The following ADGRV1 variants were observed in gnomAD, a reference collection of about 807,000 sequenced individuals.
The protein encoded by ADGRV1 is G-protein coupled receptor 98.
A neutral mutation model predicts 596.2 loss-of-function variants in ADGRV1; 359 were observed. That is an observed-to-expected ratio of 0.60 (90% CI 0.55 to 0.66). The LOEUF (loss-of-function observed/expected upper bound fraction) is 0.66, where lower values mean the gene tolerates loss of function less well. ADGRV1 is among the 30% of genes least tolerant of loss of function. The probability of loss-of-function intolerance (pLI) is 0.00; values close to 1 mark genes in which losing one functional copy is unlikely to be tolerated. For synonymous variants in ADGRV1, 2,681 were observed against 2,679.2 expected (o/e 1.00, Z -0.02); for missense variants, 7,274 against 7,575.6 (o/e 0.96, Z 1.48).
chr5:91,150,480 G>A (rs527652901), intron 88 of ADGRV1, among the ~76,000 whole-genome samples: 1 of 152,262 alleles, frequency 6.6e-6, no homozygotes, highest in African/African-American at 2.4e-5. Context: ...CTGTGAGCTA[G>A]ACTGACCAGC....
At chr5:91,149,856 GA>G (rs1795881786) in intron 87 of ADGRV1, among the ~76,000 whole-genome samples, 173 bp from the exon 88 acceptor site, 4 of 136,088 alleles carry the variant, frequency 2.9e-5, no homozygotes, top group South Asian at 2.5e-4. Flanking sequence ...AAAAGAGAAA[GA>G]AAAAAAGAAA....
intron 15 of ADGRV1, among the ~76,000 whole-genome samples, chr5:90,645,463 T>G (rs1184369088): frequency 6.6e-6 from 1 of 152,152 alleles, no homozygotes; most frequent in Non-Finnish European, 1.5e-5. Context: ...GGGATCCATT[T>G]AGGCTCAGAA....
At chr5:90,772,396 T>TTTA (rs1487160540) in intron 59 of ADGRV1, among the ~76,000 whole-genome samples, 4 of 152,178 alleles carry the variant, frequency 2.6e-5, no homozygotes, top group African/African-American at 9.7e-5. Context: ...TTATCACTTT[T>TTTA]TTAAATTTTT....
intron 85 of ADGRV1, among the ~76,000 whole-genome samples, chr5:91,069,304 C>G (rs1165068330): frequency 2.6e-5 from 4 of 151,966 alleles, no homozygotes; most frequent in Non-Finnish European, 5.9e-5. Flanking sequence ...TGACAAGTAT[C>G]AACAGAGTAA....
At chr5:90,885,590 A>G (rs969786560) in intron 83 of ADGRV1, among the ~76,000 whole-genome samples, 5 of 152,136 alleles carry the variant, frequency 3.3e-5, no homozygotes, top group Non-Finnish European at 7.4e-5. Context: ...ACCCTAGGTG[A>G]AATGTGATAA....
intron 89 of ADGRV1, among the ~76,000 whole-genome samples, chr5:91,159,394 T>A (rs952955367): frequency 2.0e-5 from 3 of 152,212 alleles, no homozygotes; most frequent in Non-Finnish European, 2.9e-5. Flanking sequence ...TTCAAACTTA[T>A]ATTAAAGGCA....
chr5:91,101,216 A>C (rs1004037066), intron 86 of ADGRV1, among the ~76,000 whole-genome samples: 3 of 152,168 alleles, frequency 2.0e-5, no homozygotes, highest in East Asian at 1.9e-4. Flanking sequence ...GGAAAAAAAA[A>C]CTTTCTCATT....
intron 21 of ADGRV1, among the ~76,000 whole-genome samples, chr5:90,662,739 C>T (rs1015890489): frequency 2.0e-5 from 3 of 152,016 alleles, no homozygotes; most frequent in Admixed American, 1.3e-4. Context: ...TTAGGTATAT[C>T]TCCCAATGCT....
At chr5:90,925,258 C>T (rs560323513) in intron 83 of ADGRV1, among the ~76,000 whole-genome samples, 2 of 151,666 alleles carry the variant, frequency 1.3e-5, no homozygotes, top group Non-Finnish European at 2.9e-5. Flanking sequence ...TCTTCCTACC[C>T]ATGAGCATGG....
At chr5:91,027,753 T>C (rs1421665321) in intron 85 of ADGRV1, among the ~76,000 whole-genome samples, 1 of 152,222 alleles carries the variant, frequency 6.6e-6, no homozygotes, top group Non-Finnish European at 1.5e-5. Flanking sequence ...ACAGCAGAGC[T>C]AAAAGTAAAC....
intron 50 of ADGRV1, among the ~76,000 whole-genome samples, chr5:90,737,659 T>G (rs1352766548): frequency 1.3e-5 from 2 of 152,006 alleles, no homozygotes; most frequent in Admixed American, 6.5e-5. Flanking sequence ...TTGATGAATT[T>G]ACCCTCTTGT....
At chr5:90,795,228 C>T (rs1350668784) in intron 70 of ADGRV1, among the ~76,000 whole-genome samples, 1 of 152,030 alleles carries the variant, frequency 6.6e-6, no homozygotes, top group Admixed American at 6.5e-5. Context: ...CCAAGGAGCC[C>T]AGCAAACTAA....
At chr5:91,109,098 G>A (rs922546083) in intron 87 of ADGRV1, among the ~76,000 whole-genome samples, 1 of 152,064 alleles carries the variant, frequency 6.6e-6, no homozygotes, top group African/African-American at 2.4e-5. Flanking sequence ...GCAAATGTAA[G>A]GTTTAAAAAT....
chr5:90,629,714 A>G (rs1237691840), intron 9 of ADGRV1, 175 bp downstream of exon 9: 1 of 485,384 alleles, frequency 2.1e-6, no homozygotes, highest in Non-Finnish European at 3.6e-6. Flanking sequence ...TAAGGTATAT[A>G]AGTATAAATA....
At chr5:91,153,836 C>T (rs959351452) in intron 89 of ADGRV1, among the ~76,000 whole-genome samples, 1 of 152,222 alleles carries the variant, frequency 6.6e-6, no homozygotes, top group Non-Finnish European at 1.5e-5. Flanking sequence ...CTATCACATA[C>T]AATAATTCTT....
Position 90,805,383 on chromosome 5 carries a change from G to T in ADGRV1, c.14761G>T (p.Ala4921Ser). The change falls in exon 72 of 90, where the codon GCC (alanine) becomes TCC (serine). Residue 4921 changes from alanine to serine, a missense_variant. Around this residue, in one of 5 missense-constraint regions of ADGRV1, gnomAD observed 1,874 missense variants for 1,970.2 expected, o/e 0.95. Transcript: ENST00000405460. The stretch of plus-strand genomic sequence containing the variant: ...AGGCACATATGGAGCTCTCTCGGTT[G>T]CCTGGACCACTGGATATGCTCCTGG... ...RRGTYGALSV[A>S]WTTGYAPGLE... is the part of the protein sequence containing the mutation. 1 of 1,610,864 alleles carries T rather than the reference G, an allele frequency of 6.2e-7. No homozygotes were observed. The highest frequency in any genetic ancestry group is 8.5e-7 in the Non-Finnish European group (1 of 1,177,422).
At chr5:90,845,002 C>T (rs1424401328) in intron 78 of ADGRV1, among the ~76,000 whole-genome samples, 1 of 152,084 alleles carries the variant, frequency 6.6e-6, no homozygotes, top group Non-Finnish European at 1.5e-5. Context: ...TGTAATCATA[C>T]TAACAAGGAT....
In ADGRV1 at chr5:91,102,854, G is replaced by T. The variant is rs535433362; in HGVS notation, c.18432+514G>T. ...TTAAATTAGTTTTATAAGCATGCTT[G>T]GATAACTAGAAATTATATAACTGCA... On this transcript the variant is annotated intron_variant, in intron 87 of 89. Coordinates refer to ENST00000405460, the MANE Select transcript of ADGRV1 (RefSeq NM_032119.4). Among the ~76,000 whole-genome samples, 4 of 152,226 alleles carry T rather than the reference G, an allele frequency of 2.6e-5. No individual in the cohort carries two copies. The South Asian group carries it at 8.3e-4, about 32-fold the overall frequency.
chr5:90,670,446 G>A (rs1221431384), intron 21 of ADGRV1, among the ~76,000 whole-genome samples: 1 of 152,088 alleles, frequency 6.6e-6, no homozygotes, highest in Admixed American at 6.5e-5. Context: ...TCGGTGAGGG[G>A]CTTGGAAGAA....
Sources: allele counts gnomAD v4.1 joint callset (sites outside exome capture counted in the v4.1 genomes callset), GRCh38; gene constraint gnomAD v4.1.1; regional missense constraint gnomAD v4.1.1; transcripts MANE v1.5; gene names NCBI Gene and HGNC (gene_info 2026-07-23, HGNC 2026-07-21).